Variants in MARK4 observed in about 807,000 individuals in gnomAD.
MARK4 encodes the protein microtubule affinity regulating kinase 4, also known as MAP/microtubule affinity-regulating kinase 4.
In MARK4, 19 loss-of-function variants were observed where a neutral mutation model predicts 81.5. That is an observed-to-expected ratio of 0.23 (90% CI 0.16 to 0.34). MARK4 has a LOEUF of 0.34. MARK4 is among the 10% of genes least tolerant of loss of function. The pLI is 1.00. For synonymous variants in MARK4, 436 were observed against 439.0 expected (o/e 0.99, Z 0.08); for missense variants, 772 against 1,058.8 (o/e 0.73, Z 3.76).
Position 45,266,207 on chromosome 19 carries a change from C to T in MARK4, c.493-18C>T. On this transcript the variant is annotated intron_variant, in intron 6 of 16. Transcript: ENST00000262891. Reference sequence around the variant, plus strand: ...GTTTTGGGAGCCACAAATAACCAACCTTCCCCTTCCCTCCCAGATTGTTTC... The same window carrying T: ...GTTTTGGGAGCCACAAATAACCAACTTTCCCCTTCCCTCCCAGATTGTTTC... 6.2e-7 allele frequency: 1 copy of T among 1,613,622 alleles called. No homozygotes were observed. Among genetic ancestry groups the T allele is most frequent in the Non-Finnish European group, 8.5e-7 (1 of 1,179,636 alleles).
chr19:45,269,158 C>T (rs2123049326), intron 7 of MARK4, among the ~76,000 whole-genome samples: 1 of 152,278 alleles, frequency 6.6e-6, no homozygotes, highest in South Asian at 2.1e-4. Context: ...GTGGGCGGAT[C>T]ACCTGAGGTC....
At chr19:45,264,951 G>T (rs751544600) in intron 6 of MARK4, 41 bp downstream of exon 6, 1 of 1,603,614 alleles carries the variant, frequency 6.2e-7, no homozygotes, top group Non-Finnish European at 8.5e-7. Flanking sequence ...GGGTGCCTGG[G>T]TCCCTGGGAG....
At chr19:45,255,456 G>A (rs980724526) in intron 1 of MARK4, among the ~76,000 whole-genome samples, 17 of 151,472 alleles carry the variant, frequency 1.1e-4, no homozygotes, top group Non-Finnish European at 2.4e-4. Flanking sequence ...AGCCACTCGG[G>A]AGGCTGAGGC....
Position 45,282,245 on chromosome 19 carries a change from A to AT in MARK4, c.1276+1511_1276+1512insT, listed in dbSNP as rs547186566. Among the ~76,000 whole-genome samples, 60 of 151,372 alleles carry AT rather than the reference A, an allele frequency of 4.0e-4. No homozygotes were observed. In the East Asian group the frequency reaches 0.011, roughly 29 times the overall value. ...CAAAAAAATTAAAAAAAAAAAAAAAAGGATACACACCACCATCAGCACCCA... is the reference window on the plus strand; with the variant it reads ...CAAAAAAATTAAAAAAAAAAAAAAAATGGATACACACCACCATCAGCACCCA... On this transcript the variant is annotated intron_variant, in intron 12 of 16. Transcript: ENST00000262891.
At chr19:45,276,233 C>T (rs1025870738) in intron 8 of MARK4, among the ~76,000 whole-genome samples, 2 of 152,114 alleles carry the variant, frequency 1.3e-5, no homozygotes, top group African/African-American at 4.8e-5. Context: ...CGCTGTGTTG[C>T]CCAGGCTGGT....
At chr19:45,272,054 G>A (rs188533518) in intron 8 of MARK4, among the ~76,000 whole-genome samples, 3 of 152,272 alleles carry the variant, frequency 2.0e-5, no homozygotes, top group Admixed American at 6.5e-5. Flanking sequence ...CTGCTTGGCC[G>A]GGTGCGGTGG....
chr19:45,280,836 G>A, intron 12 of MARK4, 102 bp downstream of exon 12: 1 of 1,488,960 alleles, frequency 6.7e-7, no homozygotes, highest in Admixed American at 1.9e-5. Flanking sequence ...GAAACCCACT[G>A]GAGCTAACCT....
chr19:45,301,887 A>G (rs1970979829), intron 16 of MARK4, among the ~76,000 whole-genome samples: 1 of 149,562 alleles, frequency 6.7e-6, no homozygotes, highest in Non-Finnish European at 1.5e-5. Context: ...AAAAAAGAAA[A>G]GGAAAAAGAA....
chr19:45,282,833 T>C lies in MARK4; in HGVS notation c.1276+2099T>C, dbSNP rs184376262. Among the ~76,000 whole-genome samples the C allele has an allele frequency of 6.7e-3, 1,006 of 150,236 alleles. 9 individuals carry two copies. Among genetic ancestry groups the C allele is most frequent in the African/African-American group, 0.022 (899 of 40,798 alleles). ...AGCGAGACTCCGCCACCCCGCCCCC[T>C]AAAAAATTAAAAATTAGGTGTGGTA... On this transcript the variant is annotated intron_variant, in intron 12 of 16. Coordinates refer to ENST00000262891, the MANE Select transcript of MARK4 (RefSeq NM_001199867.2).
At chr19:45,284,184 T>A (rs1970713020) in intron 12 of MARK4, among the ~76,000 whole-genome samples, 1 of 151,888 alleles carries the variant, frequency 6.6e-6, no homozygotes, top group South Asian at 2.1e-4. Context: ...AATTTTGTAT[T>A]TTTAGTAGAG....
At chr19:45,270,821 A>G (rs1370539716) in intron 7 of MARK4, among the ~76,000 whole-genome samples, 1 of 152,090 alleles carries the variant, frequency 6.6e-6, no homozygotes, top group African/African-American at 2.4e-5. Context: ...CCCAGGCTGG[A>G]GTGCAATGGC....
At chr19:45,284,416 G>A (rs1345544285) in intron 12 of MARK4, among the ~76,000 whole-genome samples, 3 of 151,026 alleles carry the variant, frequency 2.0e-5, no homozygotes, top group Admixed American at 6.6e-5. Context: ...TCCACCTCCC[G>A]GGTTCATGCC....
At chr19:45,299,938 G>T in intron 16 of MARK4, 83 bp downstream of exon 16, 1 of 1,397,522 alleles carries the variant, frequency 7.2e-7, no homozygotes, top group Non-Finnish European at 9.7e-7. Flanking sequence ...GGCATTAGAT[G>T]GGGCCCCAGT....
intron 8 of MARK4, among the ~76,000 whole-genome samples, chr19:45,273,372 C>T (rs1169511716): frequency 1.3e-5 from 2 of 152,258 alleles, no homozygotes; most frequent in South Asian, 2.1e-4. Flanking sequence ...AAGGCGAGAG[C>T]GGGTTATCTC....
At chr19:45,287,335 C>T in intron 12 of MARK4, 112 bp from the exon 13 acceptor site, 1 of 660,550 alleles carries the variant, frequency 1.5e-6, no homozygotes. Flanking sequence ...GTCAGAATGG[C>T]CCACACAGAG....
chr19:45,282,250 A>G (rs370946946), intron 12 of MARK4, among the ~76,000 whole-genome samples: 6 of 151,504 alleles, frequency 4.0e-5, no homozygotes, highest in African/African-American at 1.2e-4. Context: ...AAAAAAGGAT[A>G]CACACCACCA....
intron 12 of MARK4, among the ~76,000 whole-genome samples, chr19:45,286,808 T>C (rs2123087765): frequency 6.6e-6 from 1 of 152,318 alleles, no homozygotes; most frequent in South Asian, 2.1e-4. Context: ...GAGATATTCA[T>C]ATATAAGCAA....
chr19:45,275,755 A>T (rs1207881122), intron 8 of MARK4, among the ~76,000 whole-genome samples: 2 of 152,244 alleles, frequency 1.3e-5, no homozygotes, highest in Non-Finnish European at 2.9e-5. Flanking sequence ...CCTCGTCTGG[A>T]AAGTGGGCGT....
intron 13 of MARK4, among the ~76,000 whole-genome samples, chr19:45,289,539 A>G (rs1464713693): frequency 6.6e-6 from 1 of 151,950 alleles, no homozygotes; most frequent in African/African-American, 2.4e-5. Flanking sequence ...GGGAGGCCCA[A>G]GGTGGGCGGA....
Sources: allele counts gnomAD v4.1 joint callset (sites outside exome capture counted in the v4.1 genomes callset), GRCh38; gene constraint gnomAD v4.1.1; transcripts MANE v1.5; gene names NCBI Gene and HGNC (gene_info 2026-07-23, HGNC 2026-07-21).